The following KANTR variants were observed in gnomAD, a reference collection of about 807,000 sequenced individuals.
KANTR encodes KANTR integral membrane protein.
exon 3 of KANTR, chrX:53,124,566 G>A (rs1313611000): frequency 6.8e-6 from 2 of 293,407 alleles, no homozygotes; most frequent in African/African-American, 5.5e-5. Context: ...GTGCATTTAA[G>A]GATATAATTT....
downstream of KANTR, chrX:53,142,742 T>G: frequency 1.2e-5 from 5 of 431,546 alleles, no homozygotes; most frequent in East Asian, 4.9e-5. Context: ...TCGCAGTCCA[T>G]TTAGAGGCAT....
chrX:53,096,211 T>TA (rs1932843882), intron 1 of KANTR, among the ~76,000 whole-genome samples: 1 of 111,816 alleles, frequency 8.9e-6, no homozygotes, highest in Admixed American at 9.5e-5. Context: ...GTTTGCTGTT[T>TA]ATTGTCTGAC....
At chrX:53,122,050 C>T (rs1933230325) in intron 2 of KANTR, among the ~76,000 whole-genome samples, 1 of 112,335 alleles carries the variant, frequency 8.9e-6, no homozygotes, top group Non-Finnish European at 1.9e-5. Context: ...TCTCTTATCC[C>T]TTATTTATTT....
At chrX:53,112,851 C>T (rs1933062786) in intron 2 of KANTR, among the ~76,000 whole-genome samples, 1 of 111,265 alleles carries the variant, frequency 9.0e-6, no homozygotes, top group African/African-American at 3.3e-5. Context: ...CCTTCATGAA[C>T]TCTGTAATTC....
At chrX:53,097,789 G>A (rs1207638598) in intron 1 of KANTR, among the ~76,000 whole-genome samples, 4 of 107,495 alleles carry the variant, frequency 3.7e-5, no homozygotes, top group Non-Finnish European at 3.9e-5. Flanking sequence ...AGTGGCTCAC[G>A]CCTGTAATCC....
chrX:53,137,732 G>T (rs1933444474), intron 2 of KANTR, among the ~76,000 whole-genome samples: 1 of 108,016 alleles, frequency 9.3e-6, no homozygotes, highest in Admixed American at 9.9e-5. Context: ...TCGTGCCATT[G>T]CACTCCAGCC....
At chrX:53,130,776 C>T (rs1323170091), downstream of KANTR, among the ~76,000 whole-genome samples, 3 of 111,342 alleles carry the variant, frequency 2.7e-5, no homozygotes, top group Non-Finnish European at 5.7e-5. Flanking sequence ...TGTGTGTTCC[C>T]CTAATATCTT....
chrX:53,127,915 C>T (rs1461074341), downstream of KANTR, among the ~76,000 whole-genome samples: 9 of 111,186 alleles, frequency 8.1e-5, no homozygotes, highest in Non-Finnish European at 1.3e-4. Context: ...CAGGGGATAG[C>T]GTGGAAGCTG....
At chrX:53,122,137 T>G (rs1346064317) in intron 2 of KANTR, among the ~76,000 whole-genome samples, 1 of 112,632 alleles carries the variant, frequency 8.9e-6, no homozygotes, top group Non-Finnish European at 1.9e-5. Context: ...ACTGTGTTCT[T>G]TGTTTTGTTG....
chrX:53,119,729 AT>A (rs1460386753), intron 2 of KANTR, among the ~76,000 whole-genome samples: 1 of 110,712 alleles, frequency 9.0e-6, no homozygotes, highest in Non-Finnish European at 1.9e-5. Context: ...TTATTTATTT[AT>A]TTATTTTGAG....
At chrX:53,102,603 T>C (rs1932903949) in intron 2 of KANTR, among the ~76,000 whole-genome samples, 1 of 112,276 alleles carries the variant, frequency 8.9e-6, no homozygotes, top group Non-Finnish European at 1.9e-5. Context: ...ATTCCTTGTT[T>C]AAGGTGGTGT....
downstream of KANTR, among the ~76,000 whole-genome samples, chrX:53,147,237 G>C (rs1195815701): frequency 2.7e-5 from 3 of 111,653 alleles, no homozygotes; most frequent in African/African-American, 9.8e-5. Flanking sequence ...CACCTGCAGA[G>C]ACACACATAG....
intron 2 of KANTR, among the ~76,000 whole-genome samples, chrX:53,105,906 G>A (rs1932946674): frequency 1.1e-5 from 1 of 91,180 alleles, no homozygotes; most frequent in Admixed American, 1.2e-4. Flanking sequence ...CGCCCAGGGT[G>A]GAGTGCAGTG....
At chrX:53,107,619 A>G (rs1349499577) in intron 2 of KANTR, among the ~76,000 whole-genome samples, 1 of 109,700 alleles carries the variant, frequency 9.1e-6, no homozygotes, top group Non-Finnish European at 1.9e-5. Context: ...TCAGTATACA[A>G]GTCTTGCAGT....
chrX:53,103,366 T>C (rs1306099306), intron 2 of KANTR, among the ~76,000 whole-genome samples: 1 of 111,098 alleles, frequency 9.0e-6, no homozygotes, highest in Non-Finnish European at 1.9e-5. Context: ...CTCCTATTTT[T>C]CTAGCTCACG....
chrX:53,114,883 C>T (rs1429398026), intron 2 of KANTR, among the ~76,000 whole-genome samples: 1 of 110,339 alleles, frequency 9.1e-6, no homozygotes, highest in Non-Finnish European at 1.9e-5. Context: ...CTAGGGTGGG[C>T]CTGAACCCTG....
intron 2 of KANTR, among the ~76,000 whole-genome samples, chrX:53,133,364 CAA>C (rs5902512): frequency 4.1e-4 from 37 of 90,118 alleles, no homozygotes; most frequent in African/African-American, 7.7e-4. Flanking sequence ...GAGACCTTGT[CAA>C]AAAAAAAAAA....
intron 2 of KANTR, among the ~76,000 whole-genome samples, chrX:53,119,044 C>CTTTTTTTT (rs59837494): frequency 1.4e-5 from 1 of 70,511 alleles, no homozygotes; most frequent in Admixed American, 1.8e-4. Context: ...ATTTTTCTTT[C>CTTTTTTTT]TTTTTTTTTT....
At chrX:53,110,278 G>A (rs782292823) in intron 2 of KANTR, among the ~76,000 whole-genome samples, 25 of 111,723 alleles carry the variant, frequency 2.2e-4, no homozygotes, top group African/African-American at 7.5e-4. Flanking sequence ...GATGGTAGCT[G>A]TGGGTTTGTT....
Sources: gnomAD v4.1 joint callset for allele counts (sites outside exome capture counted in the v4.1 genomes callset) on GRCh38, gnomAD v4.1.1 for gene constraint, MANE v1.5 for transcripts, NCBI Gene and HGNC (gene_info 2026-07-23, HGNC 2026-07-21) for gene names.